Variants in DNAH7 observed in about 807,000 individuals in gnomAD.
DNAH7 encodes the protein dynein axonemal heavy chain 7, also known as axonemal beta dynein heavy chain 7.
Under a neutral mutation model 444.6 loss-of-function variants are expected in DNAH7, and 397 were observed. The observed-to-expected ratio is 0.89, with a 90% confidence interval of 0.82 to 0.97. The LOEUF (loss-of-function observed/expected upper bound fraction) is 0.97, where lower values mean the gene tolerates loss of function less well. Ranked by LOEUF, DNAH7 falls within the 50% of genes least tolerant of loss-of-function variation. DNAH7 has a pLI of 0.00. For synonymous variants in DNAH7, 1,636 were observed against 1,624.4 expected (o/e 1.01, Z -0.17); for missense variants, 4,902 against 4,800.8 (o/e 1.02, Z -0.62).
At chr2:196,062,110 T>G (rs1054995633) in intron 1 of DNAH7, among the ~76,000 whole-genome samples, 1 of 152,214 alleles carries the variant, frequency 6.6e-6, no homozygotes, top group Non-Finnish European at 1.5e-5. Flanking sequence ...AAATCTTGCT[T>G]TTAAAACATT....
intron 61 of DNAH7, among the ~76,000 whole-genome samples, chr2:195,764,612 A>T (rs1381017559): frequency 6.6e-6 from 1 of 152,134 alleles, no homozygotes. Context: ...TGAAAAGGAA[A>T]TCAAGAAATC....
intron 63 of DNAH7, 32 bp from the exon 64 acceptor site, chr2:195,740,901 C>T: frequency 7.5e-7 from 1 of 1,329,786 alleles, no homozygotes; most frequent in Non-Finnish European, 1.0e-6. Flanking sequence ...TAATATAACA[C>T]TTGAAATATG....
chr2:195,918,819 A>G (rs1401025992), intron 24 of DNAH7, among the ~76,000 whole-genome samples: 1 of 152,198 alleles, frequency 6.6e-6, no homozygotes, highest in Admixed American at 6.5e-5. Context: ...TAGTGGATAT[A>G]TGACATTATG....
chr2:195,745,136 T>A lies in DNAH7; in HGVS notation c.11765-4267A>T, dbSNP rs1001500460. The stretch of plus-strand genomic sequence containing the variant: ...AATTTAGACGAATGTGTAACTAGAA[T>A]AACCAATAGAGAGAAGTGCTTAAAG... On this transcript the variant is annotated intron_variant, in intron 63 of 64. Coordinates refer to ENST00000312428, the MANE Select transcript of DNAH7 (RefSeq NM_018897.3). Among the ~76,000 whole-genome samples, 28 of 152,106 alleles carry A rather than the reference T, an allele frequency of 1.8e-4. 1 individual carries two copies. The highest frequency in any genetic ancestry group is 6.2e-4 in the South Asian group (3 of 4,828).
At chr2:195,839,587 T>C (rs1341397517) in intron 47 of DNAH7, among the ~76,000 whole-genome samples, 1 of 151,720 alleles carries the variant, frequency 6.6e-6, no homozygotes, top group Non-Finnish European at 1.5e-5. Context: ...CTTGTTCCTA[T>C]ATAGGATCAA....
chr2:196,012,349 T>C (rs1694771334), intron 10 of DNAH7, among the ~76,000 whole-genome samples: 1 of 152,126 alleles, frequency 6.6e-6, no homozygotes, highest in Non-Finnish European at 1.5e-5. Flanking sequence ...TCTAGTGAGA[T>C]TTTTTTAATT....
At chr2:195,766,236 C>A (rs1694582393) in intron 61 of DNAH7, among the ~76,000 whole-genome samples, 1 of 134,562 alleles carries the variant, frequency 7.4e-6, no homozygotes, top group South Asian at 2.4e-4. Context: ...GGCAGTGGCA[C>A]AATCTTGGCT....
chr2:195,923,757 G>A lies in DNAH7; in HGVS notation c.3663C>T (p.Val1221=), dbSNP rs569650802. ...TGGACAATTTGCCACGCACCAAAGT[G>A]ACAATATCATCAATTTGTCTGTTAC... ...KTCNRQIDDI[V]TLVRGKLSMQ... Residue 1221 remains valine (V), a synonymous_variant, in exon 23 of 65, where the codon GTC becomes GTT. Coordinates refer to ENST00000312428, the MANE Select transcript of DNAH7 (RefSeq NM_018897.3). 3 of 1,614,026 alleles carry A rather than the reference G, an allele frequency of 1.9e-6. No individual in the cohort carries two copies. The highest frequency in any genetic ancestry group is 2.2e-5 in the East Asian group (1 of 44,866).
intron 23 of DNAH7, 41 bp downstream of exon 23, chr2:195,923,554 T>G (rs765798052): frequency 5.0e-6 from 8 of 1,585,450 alleles, no homozygotes; most frequent in Non-Finnish European, 6.9e-6. Context: ...AACTACGAGC[T>G]GAAATTGCTG....
intron 28 of DNAH7, 72 bp downstream of exon 28, chr2:195,900,210 T>C: frequency 6.8e-7 from 1 of 1,473,200 alleles, no homozygotes; most frequent in Non-Finnish European, 9.4e-7. Flanking sequence ...GTTATTGGAA[T>C]TCTCTGAAGA....
At chr2:195,809,308 GTATT>G (rs1270678929) in intron 52 of DNAH7, among the ~76,000 whole-genome samples, 2 of 152,038 alleles carry the variant, frequency 1.3e-5, no homozygotes, top group Non-Finnish European at 2.9e-5. Flanking sequence ...CAAGAATAAA[GTATT>G]TATTTCTTCA....
chr2:195,796,258 T>C (rs1259118411), intron 56 of DNAH7, among the ~76,000 whole-genome samples: 1 of 152,178 alleles, frequency 6.6e-6, no homozygotes. Flanking sequence ...TAGGCCATTG[T>C]TATAAAAAGT....
intron 58 of DNAH7, among the ~76,000 whole-genome samples, chr2:195,786,471 G>C (rs1695626361): frequency 6.6e-6 from 1 of 152,294 alleles, no homozygotes; most frequent in Non-Finnish European, 1.5e-5. Flanking sequence ...GAGTACATCA[G>C]AACTGGAGAG....
At chr2:196,039,760 C>T (rs1037828819) in intron 5 of DNAH7, among the ~76,000 whole-genome samples, 3 of 146,798 alleles carry the variant, frequency 2.0e-5, no homozygotes, top group Admixed American at 1.4e-4. Flanking sequence ...GGTTACATCA[C>T]TGTACTCAAC....
chr2:196,037,791 AG>A (rs1328733173), intron 5 of DNAH7, among the ~76,000 whole-genome samples: 1 of 152,178 alleles, frequency 6.6e-6, no homozygotes, highest in East Asian at 1.9e-4. Context: ...GAAGGAGAAA[AG>A]ATGGGGAAAA....
chr2:195,937,062 A>G (rs920216412), intron 19 of DNAH7, among the ~76,000 whole-genome samples: 1 of 152,192 alleles, frequency 6.6e-6, no homozygotes, highest in African/African-American at 2.4e-5. Flanking sequence ...AATGAGAGAG[A>G]GAGAACACTG....
At chr2:195,785,135 T>C (rs1695556509) in intron 58 of DNAH7, among the ~76,000 whole-genome samples, 1 of 152,120 alleles carries the variant, frequency 6.6e-6, no homozygotes, top group South Asian at 2.1e-4. Flanking sequence ...ATGATCTCGA[T>C]CTCCTGACCT....
intron 12 of DNAH7, among the ~76,000 whole-genome samples, chr2:195,992,686 A>T (rs1365765978): frequency 1.3e-5 from 2 of 152,184 alleles, no homozygotes; most frequent in Non-Finnish European, 2.9e-5. Flanking sequence ...TTAGTATCCA[A>T]AAAATGGATT....
At chr2:195,919,526 G>A (rs768045432) in intron 24 of DNAH7, among the ~76,000 whole-genome samples, 1 of 151,952 alleles carries the variant, frequency 6.6e-6, no homozygotes, top group Non-Finnish European at 1.5e-5. Flanking sequence ...TATATTTTTA[G>A]TAGAGACAGG....
Sources: allele counts gnomAD v4.1 joint callset (sites outside exome capture counted in the v4.1 genomes callset), GRCh38; gene constraint gnomAD v4.1.1; transcripts MANE v1.5; gene names NCBI Gene and HGNC (gene_info 2026-07-23, HGNC 2026-07-21).